Variants in SLC12A1 observed in about 807,000 individuals in gnomAD.
SLC12A1 encodes the protein Na-K-2Cl cotransporter.
In SLC12A1, 89 loss-of-function variants were observed where a neutral mutation model predicts 130.4. The observed-to-expected ratio is 0.68, with a 90% CI of 0.58 to 0.81. The LOEUF (loss-of-function observed/expected upper bound fraction) is 0.81, where lower values mean the gene tolerates loss of function less well. Among genes scored for constraint, SLC12A1 ranks in the 40% least tolerant of loss-of-function variants. The pLI is 0.00. For missense variants in SLC12A1, 1,310 were observed against 1,336.4 expected, an observed-to-expected ratio of 0.98 and a Z score of 0.31; for synonymous variants, 499 against 460.0, an observed-to-expected ratio of 1.08 and a Z score of -1.09.
At chr15:48,244,659 C>A (rs2041556890) in intron 10 of SLC12A1, 94 bp from the exon 11 acceptor site, 1 of 1,246,200 alleles carries the variant, frequency 8.0e-7, no homozygotes, top group Non-Finnish European at 1.1e-6. Context: ...AAGAAATGGA[C>A]CTTTTCAGTC....
At chr15:48,270,893 A>G (rs2041891209) in intron 19 of SLC12A1, among the ~76,000 whole-genome samples, 1 of 148,214 alleles carries the variant, frequency 6.7e-6, no homozygotes, top group African/African-American at 2.5e-5. Flanking sequence ...ATAAGAGAAA[A>G]CAAATTCTAC....
intron 20 of SLC12A1, among the ~76,000 whole-genome samples, chr15:48,283,606 C>T (rs1284987117): frequency 6.6e-6 from 1 of 152,198 alleles, no homozygotes; most frequent in African/African-American, 2.4e-5. Context: ...AGCTGAATAG[C>T]AGCATCGTCT....
intron 18 of SLC12A1, among the ~76,000 whole-genome samples, chr15:48,267,924 G>A (rs2041850724): frequency 6.6e-6 from 1 of 152,140 alleles, no homozygotes; most frequent in South Asian, 2.1e-4. Context: ...AACGGAAAAT[G>A]AGGTTGCCTT....
chr15:48,275,511 C>T (rs181181389), intron 20 of SLC12A1, among the ~76,000 whole-genome samples: 4 of 152,188 alleles, frequency 2.6e-5, no homozygotes, highest in African/African-American at 9.6e-5. Context: ...AGAAGGGGCA[C>T]CTAACTCACT....
At chr15:48,268,870 TATG>T (rs2041861225) in intron 18 of SLC12A1, among the ~76,000 whole-genome samples, 1 of 152,142 alleles carries the variant, frequency 6.6e-6, no homozygotes, top group Non-Finnish European at 1.5e-5. Context: ...GGAATGGGAA[TATG>T]GACATAAAAT....
intron 9 of SLC12A1, among the ~76,000 whole-genome samples, chr15:48,236,070 T>A (rs2141041746): frequency 6.8e-6 from 1 of 146,654 alleles, no homozygotes; most frequent in South Asian, 2.2e-4. Flanking sequence ...AGGACATATA[T>A]CGGGGACAAT....
intron 17 of SLC12A1, among the ~76,000 whole-genome samples, chr15:48,262,700 G>C (rs969858192): frequency 6.6e-6 from 1 of 152,030 alleles, no homozygotes; most frequent in African/African-American, 2.4e-5. Context: ...ATAAATAAAT[G>C]ACATATTTCT....
At chr15:48,293,240 A>G (rs569397618) in intron 24 of SLC12A1, among the ~76,000 whole-genome samples, 1 of 152,354 alleles carries the variant, frequency 6.6e-6, no homozygotes, top group Admixed American at 6.5e-5. Context: ...TGTAGGTTAG[A>G]TCTTCACAGT....
intron 9 of SLC12A1, among the ~76,000 whole-genome samples, chr15:48,236,494 G>C (rs2041441381): frequency 6.6e-6 from 1 of 152,168 alleles, no homozygotes; most frequent in Admixed American, 6.5e-5. Context: ...AAGGCAAAGG[G>C]AAACGGCTGT....
chr15:48,229,440 A>G, intron 6 of SLC12A1, 112 bp downstream of exon 6: 1 of 1,049,642 alleles, frequency 9.5e-7, no homozygotes. Flanking sequence ...AAAGTTAAAT[A>G]TAGTGGAAGG....
At chr15:48,245,609 T>C (rs998238126) in intron 11 of SLC12A1, among the ~76,000 whole-genome samples, 3 of 152,260 alleles carry the variant, frequency 2.0e-5, no homozygotes, top group African/African-American at 4.8e-5. Flanking sequence ...TTTATTCTTT[T>C]TGTGGCTGTG....
At chr15:48,211,460 C>G (rs2041051226) in intron 2 of SLC12A1, among the ~76,000 whole-genome samples, 1 of 152,056 alleles carries the variant, frequency 6.6e-6, no homozygotes, top group African/African-American at 2.4e-5. Flanking sequence ...TATGGTAGTT[C>G]CTCAAATCAC....
At chr15:48,287,250 T>G (rs1037807479) in intron 21 of SLC12A1, among the ~76,000 whole-genome samples, 2 of 152,210 alleles carry the variant, frequency 1.3e-5, no homozygotes, top group Non-Finnish European at 2.9e-5. Flanking sequence ...CTGGTACACT[T>G]TCACTGTATC....
chr15:48,246,829 A>T lies in SLC12A1; in HGVS notation c.1453-80A>T, dbSNP rs11636073. ...AATGTGAGAATGAAGCAGGGGGAAA[A>T]AATGTAGTTGAAAGCCGTTTGCTTA... On this transcript the variant is annotated intron_variant, in intron 11 of 26. Coordinates refer to ENST00000380993, the MANE Select transcript of SLC12A1 (RefSeq NM_000338.3). 697,156 of 897,018 alleles carry T rather than the reference A, an allele frequency of 0.78. 285,297 individuals are homozygous for T. Among genetic ancestry groups the T allele is most frequent in the Middle Eastern group, 0.9 (4,249 of 4,732 alleles). 55.6% of individuals were successfully genotyped at this position (897,018 alleles called of 1,614,324 possible).
rs181088271 is a variant in SLC12A1 at position 48,245,386 on chromosome 15, T to C, written c.1452+482T>C. ...GAGTAGTTCACTCAGGTACTAAGCA[T>C]AGTACCCAACAGCTAGTTTTCAACC... On this transcript the variant is annotated intron_variant, in intron 11 of 26. Transcript: ENST00000380993. Among the ~76,000 whole-genome samples the C allele has an allele frequency of 1.4e-4, 22 of 152,304 alleles. No homozygotes were observed. In the East Asian group the frequency reaches 4.2e-3, roughly 29 times the overall value.
intron 9 of SLC12A1, among the ~76,000 whole-genome samples, chr15:48,240,900 A>C (rs938705542): frequency 6.6e-6 from 1 of 152,144 alleles, no homozygotes; most frequent in African/African-American, 2.4e-5. Context: ...TACATTTATA[A>C]GCAAGAGAAA....
intron 20 of SLC12A1, among the ~76,000 whole-genome samples, chr15:48,282,433 T>C (rs2042017709): frequency 6.6e-6 from 1 of 151,902 alleles, no homozygotes; most frequent in Admixed American, 6.6e-5. Context: ...TTGTCCAAAC[T>C]AGAGGACAAA....
intron 24 of SLC12A1, among the ~76,000 whole-genome samples, chr15:48,294,011 C>T (rs543944318): frequency 1.3e-5 from 2 of 150,950 alleles, no homozygotes; most frequent in East Asian, 3.9e-4. Context: ...TGCACTGCAG[C>T]CTGGGTGACA....
intron 23 of SLC12A1, 138 bp downstream of exon 23, chr15:48,288,654 G>C (rs2042085760): frequency 5.4e-6 from 3 of 558,704 alleles, no homozygotes; most frequent in African/African-American, 1.9e-5. Flanking sequence ...GTGTTTACTT[G>C]GTTATCTGGT....
Sources: allele counts gnomAD v4.1 joint callset (sites outside exome capture counted in the v4.1 genomes callset), GRCh38; gene constraint gnomAD v4.1.1; transcripts MANE v1.5; gene names NCBI Gene and HGNC (gene_info 2026-07-23, HGNC 2026-07-21).